The following TBC1D5 variants were observed in gnomAD, a reference collection of about 807,000 sequenced individuals.
TBC1D5 encodes TBC1 domain family, member 5.
TBC1D5 carries 75 observed loss-of-function variants against 100.3 expected under a neutral mutation model. The ratio of observed to expected loss-of-function variants is 0.75; its 90% CI spans 0.62 to 0.91. TBC1D5 has a LOEUF of 0.91. TBC1D5 is among the 40% of genes least tolerant of loss of function. The probability of loss-of-function intolerance (pLI) is 0.00; values close to 1 mark genes in which losing one functional copy is unlikely to be tolerated. For synonymous variants in TBC1D5, 323 were observed against 325.6 expected (o/e 0.99, Z 0.09); for missense variants, 910 against 942.4 (o/e 0.97, Z 0.45).
At chr3:17,212,879 G>GT in intron 18 of TBC1D5, among the ~76,000 whole-genome samples, 1 of 152,176 alleles carries the variant, frequency 6.6e-6, no homozygotes, top group South Asian at 2.1e-4. Context: ...TAAAGTAAAA[G>GT]TTATAATAAG....
intron 3 of TBC1D5, among the ~76,000 whole-genome samples, chr3:17,429,299 ATTC>A (rs2094404572): frequency 6.6e-6 from 1 of 151,920 alleles, no homozygotes; most frequent in Non-Finnish European, 1.5e-5. Flanking sequence ...GTTGTTATAT[ATTC>A]TTATTGATTG....
At chr3:17,183,304 T>A (rs1350610004) in intron 19 of TBC1D5, among the ~76,000 whole-genome samples, 1 of 152,144 alleles carries the variant, frequency 6.6e-6, no homozygotes, top group Non-Finnish European at 1.5e-5. Context: ...CAAAGTGAGG[T>A]GGTATCTTTA....
At chr3:17,179,957 C>T (rs2068251107) in intron 19 of TBC1D5, among the ~76,000 whole-genome samples, 1 of 152,200 alleles carries the variant, frequency 6.6e-6, no homozygotes, top group Non-Finnish European at 1.5e-5. Context: ...AGCCCAGCTG[C>T]TCACAGATCA....
chr3:17,404,525 T>C (rs1398114799), intron 7 of TBC1D5, among the ~76,000 whole-genome samples, 169 bp downstream of exon 7: 1 of 152,056 alleles, frequency 6.6e-6, no homozygotes. Context: ...CAACACAGTA[T>C]ATATATGTAA....
At chr3:17,719,117 T>C (rs901443751) in intron 1 of TBC1D5, among the ~76,000 whole-genome samples, 4 of 152,340 alleles carry the variant, frequency 2.6e-5, no homozygotes, top group Admixed American at 2.0e-4. Flanking sequence ...CAATAATTTA[T>C]AGTTTCTTAA....
intron 14 of TBC1D5, among the ~76,000 whole-genome samples, chr3:17,306,194 T>A (rs2083385968): frequency 6.6e-6 from 1 of 152,166 alleles, no homozygotes; most frequent in South Asian, 2.1e-4. Flanking sequence ...CACAATTTTC[T>A]CTATTGACTC....
intron 21 of TBC1D5, among the ~76,000 whole-genome samples, chr3:17,163,894 T>C (rs759480421): frequency 6.6e-6 from 1 of 152,152 alleles, no homozygotes; most frequent in South Asian, 2.1e-4. Context: ...TAGTAGACAA[T>C]ATGCGGATTA....
intron 1 of TBC1D5, among the ~76,000 whole-genome samples, chr3:17,726,447 T>A (rs918322350): frequency 1.3e-5 from 2 of 152,254 alleles, no homozygotes; most frequent in African/African-American, 4.8e-5. Flanking sequence ...TTGATTTGCA[T>A]TTCCCTAATG....
chr3:17,358,971 A>G (rs1427233262), intron 13 of TBC1D5, among the ~76,000 whole-genome samples: 1 of 152,068 alleles, frequency 6.6e-6, no homozygotes, highest in African/African-American at 2.4e-5. Flanking sequence ...TTTTAGAAAT[A>G]AAATACATAT....
chr3:17,207,649 G>A (rs1023080282), intron 18 of TBC1D5, among the ~76,000 whole-genome samples: 25 of 151,264 alleles, frequency 1.7e-4, no homozygotes, highest in African/African-American at 5.8e-4. Flanking sequence ...AAGATAGGCT[G>A]TGGATTATAG....
intron 1 of TBC1D5, among the ~76,000 whole-genome samples, chr3:17,692,303 G>C (rs12487916): frequency 0.57 from 86,823 of 151,822 alleles, 25,639 homozygotes; most frequent in East Asian, 0.99. Context: ...TGTTGGCCAG[G>C]ATGCTCCCAA....
At chr3:17,238,529 C>T in intron 16 of TBC1D5, 110 bp from the exon 17 acceptor site, 2 of 1,237,638 alleles carry the variant, frequency 1.6e-6, no homozygotes, top group South Asian at 3.5e-5. Context: ...AGGTCATTTA[C>T]TAGACCAGCT....
intron 16 of TBC1D5, among the ~76,000 whole-genome samples, chr3:17,245,899 C>T (rs534726050): frequency 2.6e-5 from 4 of 152,088 alleles, no homozygotes; most frequent in African/African-American, 7.2e-5. Flanking sequence ...ATGGTTCACA[C>T]GAGCAGCATC....
At chr3:17,542,444 G>A (rs140403095) in intron 2 of TBC1D5, among the ~76,000 whole-genome samples, 66 of 152,278 alleles carry the variant, frequency 4.3e-4, no homozygotes, top group African/African-American at 1.4e-3. Flanking sequence ...TCTCAAACTT[G>A]TAGCCTCAAG....
At chr3:17,351,484 A>C (rs1273799017) in intron 13 of TBC1D5, among the ~76,000 whole-genome samples, 1 of 152,194 alleles carries the variant, frequency 6.6e-6, no homozygotes, top group Non-Finnish European at 1.5e-5. Context: ...CAGGAACAGA[A>C]AACCAAACAC....
intron 2 of TBC1D5, among the ~76,000 whole-genome samples, chr3:17,511,726 T>C (rs1240470041): frequency 6.6e-6 from 1 of 152,010 alleles, no homozygotes; most frequent in Non-Finnish European, 1.5e-5. Flanking sequence ...TATGATAATA[T>C]CCAATAGCCA....
At chr3:17,273,114 CA>C (rs2149719108) in intron 15 of TBC1D5, among the ~76,000 whole-genome samples, 1 of 152,290 alleles carries the variant, frequency 6.6e-6, no homozygotes, top group Non-Finnish European at 1.5e-5. Flanking sequence ...CAACTTTCAA[CA>C]GGCTCATTTA....
intron 17 of TBC1D5, among the ~76,000 whole-genome samples, chr3:17,233,301 A>AT (rs1422407948): frequency 6.6e-6 from 1 of 152,214 alleles, no homozygotes; most frequent in African/African-American, 2.4e-5. Context: ...ATCGTAGCAC[A>AT]TAAGATGTCT....
chr3:17,191,866 C>T (rs1053095308), intron 18 of TBC1D5, among the ~76,000 whole-genome samples: 3 of 151,834 alleles, frequency 2.0e-5, no homozygotes, highest in South Asian at 2.1e-4. Context: ...TCAAGTGATC[C>T]GCCTGCTTCA....
Sources: allele counts gnomAD v4.1 joint callset (sites outside exome capture counted in the v4.1 genomes callset), GRCh38; gene constraint gnomAD v4.1.1; transcripts MANE v1.5; gene names NCBI Gene and HGNC (gene_info 2026-07-23, HGNC 2026-07-21).